SGTA: variants seen among roughly 807,000 people sequenced by gnomAD.
The protein encoded by SGTA is small glutamine-rich tetratricopeptide repeat-containing protein alpha.
SGTA carries 22 observed loss-of-function variants against 44.3 expected under a neutral mutation model. That is an observed-to-expected ratio of 0.50 (90% CI 0.36 to 0.71). The LOEUF (loss-of-function observed/expected upper bound fraction) is 0.71, where lower values mean the gene tolerates loss of function less well. Among genes scored for constraint, SGTA ranks in the 30% least tolerant of loss-of-function variants. SGTA has a pLI of 0.00. For synonymous variants in SGTA, 174 were observed against 177.6 expected (o/e 0.98, Z 0.16); for missense variants, 341 against 435.9 (o/e 0.78, Z 1.94).
At chr19:2,762,690 C>T (rs1296224330) in intron 6 of SGTA, 46 bp from the exon 7 acceptor site, 1 of 1,606,550 alleles carries the variant, frequency 6.2e-7, no homozygotes, top group East Asian at 2.2e-5. Context: ...TGCCCAGCTC[C>T]AGGAGGCCCC....
In SGTA at chr19:2,767,099, G is replaced by A. The variant is rs975718635; in HGVS notation, c.292+37C>T. The A allele has an allele frequency of 6.7e-6, 10 of 1,492,120 alleles. No individual in the cohort carries two copies. The highest frequency in any genetic ancestry group is 1.4e-5 in the African/African-American group (1 of 72,392). 92.4% of individuals were successfully genotyped at this position (1,492,120 alleles called of 1,614,324 possible). A position where few individuals can be genotyped will look rare whatever the true frequency, so the allele number is the denominator to read the frequency against. Reference sequence around the variant, plus strand: ...GTCCCACAGCCCCGGAGTCCAGGTAGGGCGAGGTGTCTGTGGGGATGGAGG... The same window carrying A: ...GTCCCACAGCCCCGGAGTCCAGGTAAGGCGAGGTGTCTGTGGGGATGGAGG... On this transcript the variant is annotated intron_variant, in intron 4 of 11. Transcript: ENST00000221566. The surrounding 1 kb of genome is among the most constrained non-coding windows in gnomAD (Gnocchi z 7.3).
intron 1 of SGTA, among the ~76,000 whole-genome samples, chr19:2,777,209 C>T (rs753633379): frequency 1.3e-5 from 2 of 151,072 alleles, no homozygotes; most frequent in Non-Finnish European, 2.9e-5. Flanking sequence ...CAAGATCGCA[C>T]TACTGTACTC....
chr19:2,779,183 T>A (rs1382443873), intron 1 of SGTA, among the ~76,000 whole-genome samples: 1 of 152,158 alleles, frequency 6.6e-6, no homozygotes, highest in Non-Finnish European at 1.5e-5. Flanking sequence ...AGGTCAGCTT[T>A]TTCTGTCCAA....
chr19:2,758,883 A>G (rs921236222), intron 9 of SGTA, among the ~76,000 whole-genome samples: 2 of 152,222 alleles, frequency 1.3e-5, no homozygotes, highest in East Asian at 3.8e-4. Context: ...GCCAGACACC[A>G]AAGTTCACGC....
At chr19:2,760,454 G>C (rs944268350) in intron 8 of SGTA, among the ~76,000 whole-genome samples, 6 of 141,848 alleles carry the variant, frequency 4.2e-5, no homozygotes, top group Non-Finnish European at 6.0e-5. Flanking sequence ...GGAGGCGGAG[G>C]TTGCAGTGAG....
At chr19:2,775,888 T>C (rs1915436043) in intron 1 of SGTA, among the ~76,000 whole-genome samples, 1 of 152,210 alleles carries the variant, frequency 6.6e-6, no homozygotes. Context: ...GAGCTGTGTT[T>C]TGTGTCGCTG....
rs1337563123 is a variant in SGTA, at chr19:2,763,089, C to G, written c.498-445G>C. Among the ~76,000 whole-genome samples the G allele has an allele frequency of 7.2e-5, 11 of 152,194 alleles. No homozygotes were observed. Among genetic ancestry groups the G allele is most frequent in the Non-Finnish European group, 8.8e-5 (6 of 68,046 alleles). The stretch of plus-strand genomic sequence containing the variant: ...GTGAGTCTTCACTCGTGAGGTGACT[C>G]AGGGCCCCTACAGAGCCCAGGAGGA... On this transcript the variant is annotated intron_variant, in intron 6 of 11. Transcript: ENST00000221566. This position sits in a 1 kb window ranked among gnomAD's most constrained non-coding sequence, Gnocchi z 5.8.
rs1018178674 is a variant in SGTA, at chr19:2,765,388, G to A, written c.293-103C>T. 6.0e-6 allele frequency: 5 copies of A among 835,046 alleles called. No homozygotes were observed. Among genetic ancestry groups the A allele is most frequent in the South Asian group, 1.5e-5 (1 of 66,594 alleles). 51.7% of individuals were successfully genotyped at this position (835,046 alleles called of 1,614,324 possible). A position where few individuals can be genotyped will look rare whatever the true frequency, so the allele number is the denominator to read the frequency against. On this transcript the variant is annotated intron_variant, in intron 4 of 11. Coordinates refer to ENST00000221566, the MANE Select transcript of SGTA (RefSeq NM_003021.4). This position sits in a 1 kb window ranked among gnomAD's most constrained non-coding sequence, Gnocchi z 5.5. ...CCTGGTGTCCACACAGACCCGAGGGGGCGTCACACTTGGCTCTTCTGGGCA... is the reference window on the plus strand; with the variant it reads ...CCTGGTGTCCACACAGACCCGAGGGAGCGTCACACTTGGCTCTTCTGGGCA...
At chr19:2,775,392 G>A (rs976969838) in intron 1 of SGTA, among the ~76,000 whole-genome samples, 3 of 152,204 alleles carry the variant, frequency 2.0e-5, no homozygotes, top group South Asian at 2.1e-4. Flanking sequence ...GCATTGGCCC[G>A]CCACGCTTTA....
chr19:2,757,123 AC>A (rs1159223992), intron 11 of SGTA, among the ~76,000 whole-genome samples: 1 of 152,126 alleles, frequency 6.6e-6, no homozygotes. Flanking sequence ...CTTGGTGGCC[AC>A]CTGGAAAGGG....
chr19:2,767,103 G>A lies in SGTA; in HGVS notation c.292+33C>T, dbSNP rs747962154. 31 of 1,510,610 alleles carry A rather than the reference G, an allele frequency of 2.1e-5. No individual in the cohort carries two copies. The highest frequency in any genetic ancestry group is 7.0e-5 in the East Asian group (3 of 43,028). 93.6% of individuals were successfully genotyped at this position (1,510,610 alleles called of 1,614,324 possible). ...CACAGCCCCGGAGTCCAGGTAGGGC[G>A]AGGTGTCTGTGGGGATGGAGGTCCT... On this transcript the variant is annotated intron_variant, in intron 4 of 11. Transcript: ENST00000221566. The surrounding 1 kb of genome is among the most constrained non-coding windows in gnomAD (Gnocchi z 7.3).
chr19:2,757,704 G>T lies in SGTA; in HGVS notation c.816C>A (p.Ser272Arg). Residue 272 changes from serine (S) to arginine (R), a missense_variant, in exon 10 of 12, where the codon AGC (serine) becomes AGA (arginine). Ser to Arg is a moderately radical substitution (Grantham distance 110). Coordinates refer to ENST00000221566, the MANE Select transcript of SGTA (RefSeq NM_003021.4). Reference protein sequence around the residue: ...GTSPSQNDLASLIQAGQQFAQ... With the variant: ...GTSPSQNDLARLIQAGQQFAQ... The stretch of plus-strand genomic sequence containing the variant: ...GCAGTTCCACTCACGCCTGGATGAG[G>T]CTGGCCAGGTCGTTCTGCGAGGGGC... 1 of 1,587,710 alleles carries T rather than the reference G, an allele frequency of 6.3e-7. No homozygotes were observed. The highest frequency in any genetic ancestry group is 1.8e-5 in the Admixed American group (1 of 55,308).
At chr19:2,758,352 A>G (rs1482207389) in intron 9 of SGTA, among the ~76,000 whole-genome samples, 1 of 152,124 alleles carries the variant, frequency 6.6e-6, no homozygotes, top group African/African-American at 2.4e-5. Context: ...AACATGGTGA[A>G]ACCCCATCTC....
In SGTA at chr19:2,761,566, GC is replaced by G; in HGVS notation, c.637-45del. The G allele has an allele frequency of 6.7e-7, 1 of 1,486,098 alleles. No individual in the cohort carries two copies. The highest frequency in any genetic ancestry group is 9.2e-7 in the Non-Finnish European group (1 of 1,087,924). The allele number at this position is 1,486,098 out of a possible 1,614,324, so 92.1% of individuals were successfully genotyped here. A position where few individuals can be genotyped will look rare whatever the true frequency, so the allele number is the denominator to read the frequency against. On this transcript the variant is annotated intron_variant, in intron 7 of 11. Transcript: ENST00000221566. The surrounding 1 kb of genome is among the most constrained non-coding windows in gnomAD (Gnocchi z 5.7). ...CTGGTTAGTGGGGCCTGGACCAGAG[GC>G]CACGGTGAATAACCCCCTGGAACTC...
intron 11 of SGTA, 104 bp downstream of exon 11, chr19:2,757,233 C>T (rs1914844550): frequency 7.2e-7 from 1 of 1,394,966 alleles, no homozygotes; most frequent in Non-Finnish European, 9.7e-7. Flanking sequence ...CAGACAGGCT[C>T]CACAGCCCCC....
chr19:2,762,319 G>T (rs1306928984), intron 7 of SGTA, among the ~76,000 whole-genome samples, 187 bp downstream of exon 7: 1 of 152,168 alleles, frequency 6.6e-6, no homozygotes, highest in Admixed American at 6.5e-5. Context: ...GCTTCCAGGG[G>T]TCTGGGGGCA....
intron 11 of SGTA, among the ~76,000 whole-genome samples, chr19:2,756,698 C>A (rs940924804): frequency 7.9e-5 from 12 of 151,764 alleles, no homozygotes; most frequent in Non-Finnish European, 1.5e-4. Context: ...GAGCCTCCCA[C>A]CCCTGGGAAG....
chr19:2,757,679 G>C lies in SGTA; in HGVS notation c.827+14C>G, dbSNP rs2144718069. Reference sequence around the variant, plus strand: ...GCCCACGTCCTCCGTCCTCTTGGAAGCAGTTCCACTCACGCCTGGATGAGG... The same window carrying C: ...GCCCACGTCCTCCGTCCTCTTGGAACCAGTTCCACTCACGCCTGGATGAGG... On this transcript the variant is annotated intron_variant, in intron 10 of 11. Transcript: ENST00000221566. 6.5e-7 allele frequency: 1 copy of C among 1,547,308 alleles called. No individual in the cohort carries two copies. The highest frequency in any genetic ancestry group is 2.3e-5 in the East Asian group (1 of 43,426).
At chr19:2,780,525 A>G (rs151210383) in intron 1 of SGTA, among the ~76,000 whole-genome samples, 21 of 152,052 alleles carry the variant, frequency 1.4e-4, no homozygotes, top group African/African-American at 4.6e-4. Context: ...AACCCTGTAC[A>G]TGCCACTCAA....
Sources: gnomAD v4.1 joint callset for allele counts (sites outside exome capture counted in the v4.1 genomes callset) on GRCh38, gnomAD v4.1.1 for gene constraint, Gnocchi (gnomAD v3.1) non-coding constraint, MANE v1.5 for transcripts, NCBI Gene and HGNC (gene_info 2026-07-23, HGNC 2026-07-21) for gene names.